AGBL4: variants seen among roughly 807,000 people sequenced by gnomAD.
The protein encoded by AGBL4 is cytosolic carboxypeptidase 6.
A neutral mutation model predicts 66.4 loss-of-function variants in AGBL4; 58 were observed. That is an observed-to-expected ratio of 0.87 (90% confidence interval 0.71 to 1.09). AGBL4 has a LOEUF of 1.09. Among genes scored for constraint, AGBL4 ranks in the 50% least tolerant of loss-of-function variants. The probability of loss-of-function intolerance (pLI) is 0.00; values close to 1 mark genes in which losing one functional copy is unlikely to be tolerated. For missense variants in AGBL4, 579 were observed against 631.0 expected, an observed-to-expected ratio of 0.92 and a Z score of 0.88; for synonymous variants, 234 against 222.9, an observed-to-expected ratio of 1.05 and a Z score of -0.44.
intron 4 of AGBL4, among the ~76,000 whole-genome samples, chr1:49,193,274 T>A (rs1422371154): frequency 1.3e-5 from 2 of 152,060 alleles, no homozygotes; most frequent in Middle Eastern, 3.2e-3. Flanking sequence ...TTCTTGTTTT[T>A]CTAGTTCCTT....
At chr1:49,190,425 T>C (rs1647095386) in intron 4 of AGBL4, among the ~76,000 whole-genome samples, 1 of 152,194 alleles carries the variant, frequency 6.6e-6, no homozygotes, top group African/African-American at 2.4e-5. Context: ...TGAGCTTAAC[T>C]TTTTATCAAT....
At chr1:48,696,510 G>T (rs1646716092) in intron 6 of AGBL4, among the ~76,000 whole-genome samples, 1 of 152,118 alleles carries the variant, frequency 6.6e-6, no homozygotes, top group African/African-American at 2.4e-5. Flanking sequence ...GGAGGATAGG[G>T]CTTCAAATAC....
At chr1:48,760,569 G>A (rs1486234555) in intron 6 of AGBL4, among the ~76,000 whole-genome samples, 1 of 152,242 alleles carries the variant, frequency 6.6e-6, no homozygotes, top group African/African-American at 2.4e-5. Flanking sequence ...GACCCCTGGA[G>A]GCAAGGACCA....
chr1:49,382,182 T>C (rs1038307486), intron 3 of AGBL4, among the ~76,000 whole-genome samples: 3 of 152,052 alleles, frequency 2.0e-5, no homozygotes, highest in African/African-American at 7.2e-5. Context: ...CTTGGCATTG[T>C]AACTGATGCA....
At chr1:49,282,719 G>A (rs993171439) in intron 3 of AGBL4, among the ~76,000 whole-genome samples, 4 of 152,214 alleles carry the variant, frequency 2.6e-5, no homozygotes, top group African/African-American at 9.6e-5. Context: ...GAAGCGCAAG[G>A]GGTCAGGGAG....
At chr1:48,655,310 CTTTTCTTTTCTTT>C (rs1646002409) in intron 7 of AGBL4, among the ~76,000 whole-genome samples, 1 of 152,140 alleles carries the variant, frequency 6.6e-6, no homozygotes, top group South Asian at 2.1e-4. Flanking sequence ...TCTTTCTTTT[CTTTTCTTTTCTTT>C]TTTTCTTTTT....
At chr1:49,735,334 T>G (rs1008569067) in intron 2 of AGBL4, among the ~76,000 whole-genome samples, 23 of 139,074 alleles carry the variant, frequency 1.7e-4, no homozygotes, top group Non-Finnish European at 2.8e-4. Flanking sequence ...TGTGTGTGTG[T>G]AGAGAGAGAG....
intron 5 of AGBL4, among the ~76,000 whole-genome samples, chr1:48,920,978 T>C (rs1046408806): frequency 7.9e-5 from 12 of 152,264 alleles, no homozygotes; most frequent in African/African-American, 2.7e-4. Flanking sequence ...GGAGCTCTGC[T>C]TAAGGCTTAA....
chr1:49,509,963 G>C (rs576020079), intron 3 of AGBL4, among the ~76,000 whole-genome samples: 1 of 151,980 alleles, frequency 6.6e-6, no homozygotes, highest in Non-Finnish European at 1.5e-5. Flanking sequence ...ATCTCAATCT[G>C]ACAATTCAGC....
At chr1:48,696,912 T>A (rs1480974969) in intron 6 of AGBL4, among the ~76,000 whole-genome samples, 3 of 152,146 alleles carry the variant, frequency 2.0e-5, no homozygotes, top group Non-Finnish European at 2.9e-5. Flanking sequence ...CCCTCCTCCC[T>A]GAGGAAGCCC....
chr1:49,842,021 C>T lies in AGBL4; in HGVS notation c.157+9375G>A, dbSNP rs1260970531. ...CACCCGGCCTCCTCTTTGCACCCAG[C>T]CCATATTCACGTGCAGCCTCCTCCT... On this transcript the variant is annotated intron_variant, in intron 2 of 13. Transcript: ENST00000371839. The T allele has an allele frequency of 1.3e-5, 5 of 399,842 alleles. No homozygotes were observed. In the East Asian group the frequency reaches 1.9e-4, roughly 15 times the overall value. The allele number at this position is 399,842 out of a possible 1,614,324, so 24.8% of individuals were successfully genotyped here. A position where few individuals can be genotyped will look rare whatever the true frequency, so the allele number is the denominator to read the frequency against.
intron 6 of AGBL4, among the ~76,000 whole-genome samples, chr1:48,840,912 A>T (rs1646782081): frequency 6.6e-6 from 1 of 151,790 alleles, no homozygotes; most frequent in Non-Finnish European, 1.5e-5. Context: ...ACAATTGAAT[A>T]ATACAAGTCT....
intron 6 of AGBL4, among the ~76,000 whole-genome samples, chr1:48,860,087 AT>A: frequency 6.6e-6 from 1 of 152,188 alleles, no homozygotes; most frequent in South Asian, 2.1e-4. Context: ...TGGACAAAAA[AT>A]AAGTCTCTCT....
intron 1 of AGBL4, among the ~76,000 whole-genome samples, chr1:49,857,790 G>C (rs1308255417): frequency 6.6e-6 from 1 of 151,962 alleles, no homozygotes; most frequent in East Asian, 1.9e-4. Context: ...AAACACTTCA[G>C]TAGATTGGTC....
chr1:48,723,329 G>A (rs2148535900), intron 6 of AGBL4, among the ~76,000 whole-genome samples: 1 of 152,274 alleles, frequency 6.6e-6, no homozygotes, highest in Non-Finnish European at 1.5e-5. Flanking sequence ...CTCTTGGGTG[G>A]GAATATGAAT....
chr1:48,591,082 A>ACCCCCCCCCCCCCCCCCC (rs1644909977), intron 9 of AGBL4, 97 bp from the exon 10 acceptor site: 1 of 718,014 alleles, frequency 1.4e-6, no homozygotes, highest in Non-Finnish European at 2.0e-6. Flanking sequence ...CCCCACACAC[A>ACCCCCCCCCCCCCCCCCC]CCCACCCACC....
At chr1:48,761,277 AG>A in intron 6 of AGBL4, 1 of 1,487,156 alleles carries the variant, frequency 6.7e-7, no homozygotes, top group Non-Finnish European at 9.0e-7. Context: ...GAAACTCTTT[AG>A]CTACGAGATA....
chr1:49,905,163 A>T (rs1025923384), intron 1 of AGBL4, among the ~76,000 whole-genome samples: 3 of 152,146 alleles, frequency 2.0e-5, no homozygotes, highest in African/African-American at 7.2e-5. Context: ...TTATATAGGA[A>T]TCCTCCCTGC....
chr1:49,317,228 T>C (rs1645056118), intron 3 of AGBL4, among the ~76,000 whole-genome samples: 1 of 151,928 alleles, frequency 6.6e-6, no homozygotes, highest in Non-Finnish European at 1.5e-5. Flanking sequence ...TAATAGGTGT[T>C]GTTTTGTGGT....
Sources: gnomAD v4.1 joint callset for allele counts (sites outside exome capture counted in the v4.1 genomes callset) on GRCh38, gnomAD v4.1.1 for gene constraint, MANE v1.5 for transcripts, NCBI Gene and HGNC (gene_info 2026-07-23, HGNC 2026-07-21) for gene names.